The following CUBN variants were observed in gnomAD, a reference collection of about 807,000 sequenced individuals.
The protein encoded by CUBN is 460 kDa receptor.
In CUBN, 282 loss-of-function variants were observed where a neutral mutation model predicts 405.3. That is an observed-to-expected ratio of 0.70 (90% confidence interval 0.63 to 0.77). The LOEUF is 0.77. CUBN is among the 30% of genes least tolerant of loss of function. The pLI is 0.00. For synonymous variants in CUBN, 1,684 were observed against 1,617.0 expected, an observed-to-expected ratio of 1.04 and a Z score of -0.99; for missense variants, 4,514 against 4,475.2, an observed-to-expected ratio of 1.01 and a Z score of -0.25.
chr10:16,890,653 G>GAAAA (rs1564405991), intron 54 of CUBN, 126 bp from the exon 55 acceptor site: 2 of 927,580 alleles, frequency 2.2e-6, no homozygotes, highest in African/African-American at 1.6e-5. Flanking sequence ...ACAAAACATG[G>GAAAA]ACAAATCTGT....
At chr10:17,015,981 T>C (rs935612854) in intron 28 of CUBN, among the ~76,000 whole-genome samples, 18 of 152,292 alleles carry the variant, frequency 1.2e-4, no homozygotes, top group Admixed American at 1.1e-3. Context: ...TGATCCCTAT[T>C]ATAGAACACC....
intron 14 of CUBN, among the ~76,000 whole-genome samples, chr10:17,096,894 A>C (rs1836386214): frequency 6.6e-6 from 1 of 152,192 alleles, no homozygotes; most frequent in Non-Finnish European, 1.5e-5. Flanking sequence ...TTTCAGCCGA[A>C]TGCTAATGAA....
intron 40 of CUBN, among the ~76,000 whole-genome samples, chr10:16,931,508 G>A (rs1008479502): frequency 6.6e-6 from 1 of 152,196 alleles, no homozygotes; most frequent in Non-Finnish European, 1.5e-5. Flanking sequence ...ACGCACCTGA[G>A]TTTCTTTAGC....
intron 59 of CUBN, among the ~76,000 whole-genome samples, chr10:16,864,948 CTTTTTTTTT>C (rs35045969): frequency 7.0e-4 from 35 of 50,054 alleles, no homozygotes; most frequent in African/African-American, 3.6e-3. Context: ...CCATGCCCAG[CTTTTTTTTT>C]TTTTTTTTTT....
chr10:16,834,909 A>AT, intron 64 of CUBN, 105 bp downstream of exon 64: 3 of 1,131,902 alleles, frequency 2.7e-6, no homozygotes, highest in Non-Finnish European at 3.9e-6. Context: ...AATGAAACAA[A>AT]TAAGAATCAT....
At chr10:16,890,092 A>ACTG (rs1192435452) in intron 55 of CUBN, among the ~76,000 whole-genome samples, 17 of 152,140 alleles carry the variant, frequency 1.1e-4, no homozygotes, top group Non-Finnish European at 1.8e-4. Flanking sequence ...TTGCTAACGA[A>ACTG]CTAGCCATCT....
At chr10:17,042,871 C>T (rs1156696372) in intron 26 of CUBN, among the ~76,000 whole-genome samples, 1 of 152,134 alleles carries the variant, frequency 6.6e-6, no homozygotes, top group East Asian at 1.9e-4. Context: ...TTTAATTCCA[C>T]TTTCAGATAA....
chr10:16,894,804 T>C (rs1435441311), intron 54 of CUBN, among the ~76,000 whole-genome samples: 2 of 152,218 alleles, frequency 1.3e-5, no homozygotes, highest in Non-Finnish European at 2.9e-5. Flanking sequence ...ACATCTTTAC[T>C]ATGTTGAGTC....
intron 28 of CUBN, among the ~76,000 whole-genome samples, chr10:17,012,986 T>C (rs1166838028): frequency 3.3e-5 from 5 of 152,216 alleles, no homozygotes; most frequent in African/African-American, 9.6e-5. Flanking sequence ...TTGATAGGAA[T>C]GCTATGGGTT....
intron 32 of CUBN, 46 bp from the exon 33 acceptor site, chr10:16,952,435 C>T (rs1174874818): frequency 1.8e-6 from 2 of 1,106,142 alleles, no homozygotes; most frequent in East Asian, 4.7e-5. Flanking sequence ...CTTTTCATTT[C>T]TACTGACCGT....
At chr10:17,113,620 CTAA>C (rs1358341858) in intron 8 of CUBN, among the ~76,000 whole-genome samples, 4 of 152,166 alleles carry the variant, frequency 2.6e-5, no homozygotes, top group African/African-American at 9.7e-5. Context: ...GCAAGATACT[CTAA>C]TGACACACCC....
At chr10:17,049,423 T>C (rs989221862) in intron 22 of CUBN, among the ~76,000 whole-genome samples, 1 of 152,216 alleles carries the variant, frequency 6.6e-6, no homozygotes, top group Admixed American at 6.5e-5. Flanking sequence ...TTGTCTTGCA[T>C]ATCTCTAATG....
chr10:16,919,896 T>C, intron 44 of CUBN, 67 bp downstream of exon 44: 1 of 1,518,060 alleles, frequency 6.6e-7, no homozygotes, highest in Non-Finnish European at 9.1e-7. Context: ...AATGGACTGT[T>C]TTGAGACATG....
chr10:17,087,460 A>ATTTTTTTTTTT (rs1564510318), intron 15 of CUBN, among the ~76,000 whole-genome samples: 11 of 99,096 alleles, frequency 1.1e-4, no homozygotes, highest in East Asian at 2.8e-4. Flanking sequence ...AATCACTATT[A>ATTTTTTTTTTT]TTTTTCTTTT....
intron 36 of CUBN, among the ~76,000 whole-genome samples, chr10:16,942,285 T>G (rs902595652): frequency 1.3e-5 from 2 of 152,120 alleles, no homozygotes; most frequent in Non-Finnish European, 2.9e-5. Context: ...TACATCCAAT[T>G]AATGCCCAGA....
In CUBN at chr10:17,111,008, C is replaced by T; in HGVS notation, c.926G>A (p.Cys309Tyr). The T allele has an allele frequency of 6.2e-7, 1 of 1,614,196 alleles. No homozygotes were observed. Among genetic ancestry groups the T allele is most frequent in the Non-Finnish European group, 8.5e-7 (1 of 1,180,016 alleles). The change falls in exon 9 of 67, where the codon TGT becomes TAT. Residue 309 changes from cysteine (C) to tyrosine (Y), a missense_variant. Physicochemically the swap from Cys to Tyr is radical, Grantham distance 194. Around this residue, in one of 5 missense-constraint regions of CUBN, gnomAD observed 1,448 missense variants for 1,388.0 expected, o/e 1.04. Transcript: ENST00000377833. The part of the protein sequence containing the change: ...NGYICEDINE[C>Y]EINNGGCSVA... ...AGAACAGCCGCCGTTATTTATCTCA[C>T]ATTCATTGATATCTTCGCAAATATA...
chr10:17,058,515 T>C (rs542292650), intron 22 of CUBN, among the ~76,000 whole-genome samples: 114 of 152,078 alleles, frequency 7.5e-4, no homozygotes, highest in Non-Finnish European at 1.5e-3. Flanking sequence ...AACATCATAT[T>C]TGAAGGGACC....
chr10:16,990,365 T>C lies in CUBN; in HGVS notation c.4319A>G (p.Tyr1440Cys), dbSNP rs1833546247. ...GACATCAAAGTTGCACCTTGAATGATACTCCACATCGAAGTCATGGATGGT... is the reference window on the plus strand; with the variant it reads ...GACATCAAAGTTGCACCTTGAATGACACTCCACATCGAAGTCATGGATGGT... ...QLTIHDFDVEYHSRCNFDVLE... is the reference protein window; with the variant it reads ...QLTIHDFDVECHSRCNFDVLE... The change falls in exon 29 of 67, where the codon TAT (tyrosine) becomes TGT (cysteine). Residue 1440 changes from tyrosine to cysteine, a missense_variant. Tyr to Cys is a radical substitution (Grantham distance 194, BLOSUM62 -2). Around this residue, in one of 5 missense-constraint regions of CUBN, gnomAD observed 1,613 missense variants for 1,542.8 expected, o/e 1.05. Transcript: ENST00000377833. 1 of 1,614,208 alleles carries C rather than the reference T, an allele frequency of 6.2e-7. No individual in the cohort carries two copies. Among genetic ancestry groups the C allele is most frequent in the Admixed American group, 1.7e-5 (1 of 60,034 alleles).
At position 17,052,759 on chromosome 10, in the gene CUBN, CAAAAAAAAAAA is replaced by C. The variant is rs10574636; in HGVS notation, c.3140-5167_3140-5157del. ...TGGGCAACAGACTGAGACTCAGTCT[CAAAAAAAAAAA>C]AAAAAAAAAAAAAAAAAGAGAGAGA... On this transcript the variant is annotated intron_variant, in intron 22 of 66. Transcript: ENST00000377833. Among the ~76,000 whole-genome samples the C allele has an allele frequency of 3.4e-4, 19 of 55,114 alleles. No individual in the cohort carries two copies. In the East Asian group the frequency reaches 6.8e-3, roughly 20 times the overall value. 36.2% of individuals were successfully genotyped at this position (55,114 alleles called of 152,430 possible).
Sources: allele counts gnomAD v4.1 joint callset (sites outside exome capture counted in the v4.1 genomes callset), GRCh38; gene constraint gnomAD v4.1.1; regional missense constraint gnomAD v4.1.1; transcripts MANE v1.5; gene names NCBI Gene and HGNC (gene_info 2026-07-23, HGNC 2026-07-21).